The following EPHA6 variants were observed in gnomAD, a reference collection of about 807,000 sequenced individuals.
The protein encoded by EPHA6 is EPH receptor A6.
A neutral mutation model predicts 112.0 loss-of-function variants in EPHA6; 50 were observed. The ratio of observed to expected loss-of-function variants is 0.45; its 90% CI spans 0.36 to 0.56. The LOEUF is 0.56. Ranked by LOEUF, EPHA6 falls within the 20% of genes least tolerant of loss-of-function variation. The probability of loss-of-function intolerance (pLI) is 0.00; values close to 1 mark genes in which losing one functional copy is unlikely to be tolerated. For synonymous variants in EPHA6, 529 were observed against 490.7 expected (o/e 1.08, Z -1.03); for missense variants, 1,280 against 1,417.4 (o/e 0.90, Z 1.56).
intron 3 of EPHA6, among the ~76,000 whole-genome samples, chr3:97,179,962 G>GT (rs2076944209): frequency 6.6e-6 from 1 of 152,046 alleles, no homozygotes; most frequent in South Asian, 2.1e-4. Flanking sequence ...AGCCAGGTCT[G>GT]TTTCCTTGCC....
intron 12 of EPHA6, among the ~76,000 whole-genome samples, chr3:97,599,171 T>C (rs2093621669): frequency 6.6e-6 from 1 of 151,464 alleles, no homozygotes; most frequent in East Asian, 1.9e-4. Context: ...TATTAGCCCT[T>C]TGTCAGACGA....
At chr3:97,047,505 A>G (rs1438882499) in intron 3 of EPHA6, among the ~76,000 whole-genome samples, 3 of 150,022 alleles carry the variant, frequency 2.0e-5, no homozygotes, top group Non-Finnish European at 3.0e-5. Flanking sequence ...GTCTCAAAAA[A>G]AAAAAAAAAA....
chr3:96,877,754 G>A (rs890483153), intron 2 of EPHA6, among the ~76,000 whole-genome samples: 9 of 151,770 alleles, frequency 5.9e-5, no homozygotes, highest in South Asian at 2.1e-4. Context: ...TTTTATTTTA[G>A]CAAAGCAAAA....
intron 2 of EPHA6, among the ~76,000 whole-genome samples, chr3:96,935,463 G>A (rs1343197381): frequency 6.7e-6 from 1 of 149,892 alleles, no homozygotes; most frequent in African/African-American, 2.4e-5. Flanking sequence ...AACTATTATA[G>A]GTATTCTACA....
intron 3 of EPHA6, among the ~76,000 whole-genome samples, chr3:97,153,534 A>G (rs1044671261): frequency 6.6e-6 from 1 of 152,144 alleles, no homozygotes; most frequent in African/African-American, 2.4e-5. Context: ...TCTACATAGG[A>G]TCCAACTTTC....
intron 3 of EPHA6, among the ~76,000 whole-genome samples, chr3:97,178,569 C>T (rs2076900088): frequency 6.6e-6 from 1 of 151,968 alleles, no homozygotes; most frequent in African/African-American, 2.4e-5. Context: ...TTTTGTTTGT[C>T]AAGGTCTTTA....
intron 11 of EPHA6, among the ~76,000 whole-genome samples, chr3:97,533,123 C>T (rs543431157): frequency 6.6e-6 from 1 of 151,900 alleles, no homozygotes; most frequent in South Asian, 2.1e-4. Flanking sequence ...CCAAAATTAG[C>T]AATATCCTCT....
chr3:96,841,649 C>A (rs577142210), intron 1 of EPHA6, among the ~76,000 whole-genome samples: 12 of 152,098 alleles, frequency 7.9e-5, no homozygotes, highest in African/African-American at 2.9e-4. Flanking sequence ...TGAGTCACTA[C>A]CTGTCAGCCC....
chr3:97,256,566 A>G (rs2079321734), intron 5 of EPHA6, among the ~76,000 whole-genome samples: 1 of 152,070 alleles, frequency 6.6e-6, no homozygotes. Context: ...TGGCAAGCAG[A>G]TGGTATTTCT....
At chr3:97,642,720 C>T (rs941280603) in intron 14 of EPHA6, among the ~76,000 whole-genome samples, 43 of 151,318 alleles carry the variant, frequency 2.8e-4, no homozygotes, top group African/African-American at 7.1e-4. Context: ...TGAAATGAAG[C>T]GAGAAGGGAA....
chr3:97,512,721 C>A (rs1030578003), intron 10 of EPHA6, among the ~76,000 whole-genome samples: 1 of 152,134 alleles, frequency 6.6e-6, no homozygotes, highest in Non-Finnish European at 1.5e-5. Flanking sequence ...TGCACCACCA[C>A]ACCCGGCTAA....
At chr3:97,178,773 C>G (rs1180763949) in intron 3 of EPHA6, among the ~76,000 whole-genome samples, 2 of 152,060 alleles carry the variant, frequency 1.3e-5, no homozygotes, top group Non-Finnish European at 2.9e-5. Flanking sequence ...TTTTAGGAAA[C>G]TTTCTTTATC....
chr3:97,210,863 G>A (rs2077853234), intron 3 of EPHA6, among the ~76,000 whole-genome samples: 1 of 152,196 alleles, frequency 6.6e-6, no homozygotes, highest in Non-Finnish European at 1.5e-5. Context: ...GTGGGGACTG[G>A]AGGATCTACA....
chr3:97,001,859 A>C (rs1389805547), intron 3 of EPHA6, among the ~76,000 whole-genome samples: 1 of 152,076 alleles, frequency 6.6e-6, no homozygotes, highest in African/African-American at 2.4e-5. Flanking sequence ...ATGGACAGAA[A>C]AAAGCATGAT....
chr3:97,516,856 A>G (rs1296277347), intron 10 of EPHA6, among the ~76,000 whole-genome samples: 1 of 152,188 alleles, frequency 6.6e-6, no homozygotes, highest in Non-Finnish European at 1.5e-5. Flanking sequence ...CTTGACTTCT[A>G]CATCTACCCT....
intron 2 of EPHA6, among the ~76,000 whole-genome samples, chr3:96,908,313 A>G (rs1009982427): frequency 1.3e-5 from 2 of 151,918 alleles, no homozygotes; most frequent in African/African-American, 4.8e-5. Context: ...ACTAACTACT[A>G]ATTTTTTCTA....
chr3:97,218,535 T>C (rs1030439518), intron 3 of EPHA6, among the ~76,000 whole-genome samples: 1 of 152,042 alleles, frequency 6.6e-6, no homozygotes, highest in African/African-American at 2.4e-5. Flanking sequence ...CTATCAGATC[T>C]TGTAAGAAGT....
At chr3:96,974,049 A>G (rs926444174) in intron 2 of EPHA6, among the ~76,000 whole-genome samples, 4 of 145,922 alleles carry the variant, frequency 2.7e-5, no homozygotes, top group Admixed American at 6.9e-5. Flanking sequence ...CAATAAATAT[A>G]TATAATAAAA....
chr3:97,682,924 T>A (rs2107686028), intron 14 of EPHA6, among the ~76,000 whole-genome samples: 2 of 152,292 alleles, frequency 1.3e-5, no homozygotes, highest in South Asian at 2.1e-4. Context: ...ACAGCTGAAA[T>A]GTAACAAATG....
Sources: gnomAD v4.1 joint callset for allele counts (sites outside exome capture counted in the v4.1 genomes callset) on GRCh38, gnomAD v4.1.1 for gene constraint, MANE v1.5 for transcripts, NCBI Gene and HGNC (gene_info 2026-07-23, HGNC 2026-07-21) for gene names.